Variants in RAPGEFL1 observed in about 807,000 individuals in gnomAD.
RAPGEFL1 encodes Rap guanine nucleotide exchange factor like 1, also known as rap guanine nucleotide exchange factor-like 1.
A neutral mutation model predicts 64.4 loss-of-function variants in RAPGEFL1; 31 were observed. The ratio of observed to expected loss-of-function variants is 0.48; its 90% CI spans 0.36 to 0.65. RAPGEFL1 has a LOEUF of 0.65. Ranked by LOEUF, RAPGEFL1 falls within the 30% of genes least tolerant of loss-of-function variation. RAPGEFL1 has a pLI of 0.00. For missense variants in RAPGEFL1, 682 were observed against 677.4 expected, an observed-to-expected ratio of 1.01 and a Z score of -0.08; for synonymous variants, 331 against 274.1, an observed-to-expected ratio of 1.21 and a Z score of -2.05.
chr17:40,194,232 CGTGT>C lies in RAPGEFL1; in HGVS notation c.*499_*502del, dbSNP rs56205991. 12,673 of 124,686 alleles carry C rather than the reference CGTGT, an allele frequency of 0.1. 903 individuals are homozygous for C. Among genetic ancestry groups the C allele is most frequent in the Admixed American group, 0.13 (1,556 of 11,566 alleles). 7.7% of individuals were successfully genotyped at this position (124,686 alleles called of 1,614,324 possible). Reference sequence around the variant, plus strand: ...GGGACCCCCAGGAATATTATGTTGCCGTGTGTGTGTGTGTGTGTGTGTGTGTGTG... The same window carrying C: ...GGGACCCCCAGGAATATTATGTTGCCGTGTGTGTGTGTGTGTGTGTGTGTG... On this transcript the variant is annotated 3_prime_UTR_variant, in exon 15 of 15. Transcript: ENST00000620260.
chr17:40,188,866 G>T lies in RAPGEFL1; in HGVS notation c.834G>T (p.Lys278Asn), dbSNP rs372844340. ...LHQLVETVEL[K>N]IPEENQPPSK... is the part of the protein sequence containing the mutation. Reference sequence around the variant, plus strand: ...TGATGCCCAGCTGTGTCCATGCCAGGATTCCAGAGGAGAACCAGCCACCCA... The same window carrying T: ...TGATGCCCAGCTGTGTCCATGCCAGTATTCCAGAGGAGAACCAGCCACCCA... Residue 278 changes from lysine (K) to asparagine (N), a missense_variant and splice_region_variant, in exon 5 of 15, where the codon AAG (lysine) becomes AAT (asparagine). Lys to Asn is a moderately conservative substitution (Grantham distance 94). Around this residue, in one of 2 missense-constraint regions of RAPGEFL1, gnomAD observed 411 missense variants for 519.4 expected, o/e 0.79. Transcript: ENST00000620260. The T allele has an allele frequency of 6.2e-7, 1 of 1,613,776 alleles. No individual in the cohort carries two copies. The highest frequency in any genetic ancestry group is 1.3e-5 in the African/African-American group (1 of 74,920).
At position 40,178,293 on chromosome 17, in the gene RAPGEFL1, T is replaced by C; in HGVS notation, c.432T>C (p.Pro144=). 1 of 641,134 alleles carries C rather than the reference T, an allele frequency of 1.6e-6. No individual in the cohort carries two copies. The allele number at this position is 641,134 out of a possible 1,614,324, so 39.7% of individuals were successfully genotyped here. The change falls in exon 1 of 15, where the codon CCT becomes CCC. Residue 144 remains proline, a synonymous_variant. Coordinates refer to ENST00000620260, the MANE Select transcript of RAPGEFL1 (RefSeq NM_016339.6). The part of the protein sequence containing the change: ...GEPLTSPPWA[P]LGAPERPEHL... ...CCTTGACTTCGCCGCCCTGGGCCCC[T>C]CTGGGCGCCCCCGAGCGGCCCGAGC...
Position 40,192,938 on chromosome 17 carries a change from T to C in RAPGEFL1, c.1757T>C (p.Leu586Pro). The C allele has an allele frequency of 6.2e-7, 1 of 1,613,804 alleles. No individual in the cohort carries two copies. The highest frequency in any genetic ancestry group is 8.5e-7 in the Non-Finnish European group (1 of 1,179,686). The change falls in exon 13 of 15, where the codon CTG (leucine) becomes CCG (proline). Residue 586 changes from leucine (L) to proline (P), a missense_variant. By Grantham distance (98) the Leu-to-Pro change is moderately conservative. This residue lies in a region of RAPGEFL1 where 411 missense variants were observed against 519.4 expected (regional missense o/e 0.79). Transcript: ENST00000620260. ...VPLILKDLTF[L>P]HEGSKTLVDG... The stretch of plus-strand genomic sequence containing the variant: ...CCACATCCCCTAGACCTGACTTTCC[T>C]GCACGAAGGGAGTAAGACCCTTGTA...
chr17:40,193,592 T>A (rs1990354773), intron 14 of RAPGEFL1, 72 bp from the exon 15 acceptor site: 1 of 1,610,514 alleles, frequency 6.2e-7, no homozygotes, highest in East Asian at 2.2e-5. Context: ...CAGCCTGATC[T>A]TCTGCCCGGT....
At chr17:40,186,671 G>T (rs1299567792) in intron 4 of RAPGEFL1, among the ~76,000 whole-genome samples, 1 of 149,080 alleles carries the variant, frequency 6.7e-6, no homozygotes, top group East Asian at 2.0e-4. Context: ...GCCGAGGCAG[G>T]CAGAATGAGG....
chr17:40,191,534 G>C lies in RAPGEFL1; in HGVS notation c.1514+40G>C. ...CGGCGGGATGGGGGGCCGGAGGCCG[G>C]AGGCCCGCGCCGCCGCCCGCCCCTG... On this transcript the variant is annotated intron_variant, in intron 9 of 14. Coordinates refer to ENST00000620260, the MANE Select transcript of RAPGEFL1 (RefSeq NM_016339.6). The surrounding 1 kb of genome is among the most constrained non-coding windows in gnomAD (Gnocchi z 5.1). The C allele has an allele frequency of 6.4e-7, 1 of 1,563,158 alleles. No individual in the cohort carries two copies. Among genetic ancestry groups the C allele is most frequent in the South Asian group, 1.2e-5 (1 of 85,570 alleles).
At chr17:40,182,743 C>T (rs533257013) in intron 2 of RAPGEFL1, among the ~76,000 whole-genome samples, 2 of 152,250 alleles carry the variant, frequency 1.3e-5, no homozygotes, top group South Asian at 2.1e-4. Context: ...CAGTAGGGTC[C>T]GCTAGAGAGG....
Position 40,184,211 on chromosome 17 carries a change from C to T in RAPGEFL1, c.600-3C>T. The T allele has an allele frequency of 6.2e-7, 1 of 1,600,446 alleles. No homozygotes were observed. Among genetic ancestry groups the T allele is most frequent in the African/African-American group, 1.3e-5 (1 of 74,718 alleles). ...TAGGGATTTTTCTTAACTTAAGGGT[C>T]AGCTTTGTTCGGGCAGGAGGCATGG... On this transcript the variant is annotated splice_region_variant and splice_polypyrimidine_tract_variant and intron_variant, in intron 2 of 14. Coordinates refer to ENST00000620260, the MANE Select transcript of RAPGEFL1 (RefSeq NM_016339.6).
chr17:40,184,256 C>T lies in RAPGEFL1; in HGVS notation c.642C>T (p.Gly214=), dbSNP rs371173094. ...GCATGGAGGGCCCTGAAGGGCTGGGCCGGAAGCAAGCCTGTCTAGCCATGC... is the reference window on the plus strand; with the variant it reads ...GCATGGAGGGCCCTGAAGGGCTGGGTCGGAAGCAAGCCTGTCTAGCCATGC... ...AGGMEGPEGL[G]RKQACLAMLL... Residue 214 remains glycine, a synonymous_variant, in exon 3 of 15, where the codon GGC becomes GGT. Transcript: ENST00000620260. 4.3e-6 allele frequency: 7 copies of T among 1,613,568 alleles called. No individual in the cohort carries two copies. Among genetic ancestry groups the T allele is most frequent in the Non-Finnish European group, 5.9e-6 (7 of 1,179,878 alleles).
At position 40,178,401 on chromosome 17, in the gene RAPGEFL1, G is replaced by A. The variant is rs1335693273; in HGVS notation, c.520+20G>A. The A allele has an allele frequency of 8.2e-6, 4 of 488,218 alleles. No individual in the cohort carries two copies. The highest frequency in any genetic ancestry group is 2.0e-5 in the African/African-American group (1 of 49,108). The allele number at this position is 488,218 out of a possible 1,614,324, so 30.2% of individuals were successfully genotyped here. A position where few individuals can be genotyped will look rare whatever the true frequency, so the allele number is the denominator to read the frequency against. On this transcript the variant is annotated intron_variant, in intron 1 of 14. Transcript: ENST00000620260. The stretch of plus-strand genomic sequence containing the variant: ...CCTCAGGTAAGGAGCCGGTGGGCTC[G>A]AACACCCAGAGCAGGGGCTGGCCCC...
chr17:40,189,800 G>C (rs758103402), intron 6 of RAPGEFL1, among the ~76,000 whole-genome samples: 1 of 152,080 alleles, frequency 6.6e-6, no homozygotes, highest in Non-Finnish European at 1.5e-5. Context: ...CTAAAGTTTG[G>C]GAGGCACTAG....
At chr17:40,187,520 C>T (rs1990114806) in intron 4 of RAPGEFL1, among the ~76,000 whole-genome samples, 1 of 152,134 alleles carries the variant, frequency 6.6e-6, no homozygotes, top group African/African-American at 2.4e-5. Context: ...TCATCTCCTA[C>T]ATCCCCTCCA....
In RAPGEFL1 at chr17:40,191,016, TTAAAGAAA is replaced by T. The variant is rs1990243388; in HGVS notation, c.1335+259_1335+266del. On this transcript the variant is annotated intron_variant, in intron 8 of 14. Transcript: ENST00000620260. This position sits in a 1 kb window ranked among gnomAD's most constrained non-coding sequence, Gnocchi z 5.1. Reference sequence around the variant, plus strand: ...ATTTCTATTTTTAAAATATTCACTATTAAAGAAATAAAATAAGGCAGAGACAATAATGC... The same window carrying T: ...ATTTCTATTTTTAAAATATTCACTATTAAAATAAGGCAGAGACAATAATGC... 2 of 602,054 alleles carry T rather than the reference TTAAAGAAA, an allele frequency of 3.3e-6. No individual in the cohort carries two copies. Among genetic ancestry groups the T allele is most frequent in the African/African-American group, 3.7e-5 (2 of 53,928 alleles). The allele number at this position is 602,054 out of a possible 1,614,324, so 37.3% of individuals were successfully genotyped here.
chr17:40,181,967 C>T (rs1310650163), intron 2 of RAPGEFL1, among the ~76,000 whole-genome samples: 3 of 152,194 alleles, frequency 2.0e-5, no homozygotes, highest in African/African-American at 7.2e-5. Flanking sequence ...CCTGTAATCT[C>T]AGCTACTTGG....
chr17:40,178,451 C>T (rs1021622382), intron 1 of RAPGEFL1, 70 bp downstream of exon 1: 5 of 457,302 alleles, frequency 1.1e-5, no homozygotes, highest in Admixed American at 8.2e-5. Context: ...GCCCTTGGAG[C>T]GTAGGGGTGG....
intron 4 of RAPGEFL1, 149 bp from the exon 5 acceptor site, chr17:40,188,717 G>T (rs1314281204): frequency 3.5e-5 from 23 of 651,932 alleles, no homozygotes; most frequent in Non-Finnish European, 6.1e-5. Flanking sequence ...ACTGCTCATT[G>T]TCCTCTCTTC....
At chr17:40,182,849 G>A (rs1567691789) in intron 2 of RAPGEFL1, among the ~76,000 whole-genome samples, 1 of 152,130 alleles carries the variant, frequency 6.6e-6, no homozygotes, top group Non-Finnish European at 1.5e-5. Context: ...CCACTGAGTA[G>A]AATGTTACAG....
chr17:40,182,453 C>T (rs1989923290), intron 2 of RAPGEFL1, among the ~76,000 whole-genome samples: 1 of 152,154 alleles, frequency 6.6e-6, no homozygotes, highest in African/African-American at 2.4e-5. Flanking sequence ...CTGGGGACTA[C>T]AGGCGCACAC....
chr17:40,177,052 G>A (rs1195087916), upstream of RAPGEFL1: 2 of 701,698 alleles, frequency 2.9e-6, no homozygotes, highest in African/African-American at 1.7e-5. Flanking sequence ...CGCCTCCAGT[G>A]GCAATGCTAA....
Sources: allele counts gnomAD v4.1 joint callset (sites outside exome capture counted in the v4.1 genomes callset), GRCh38; gene constraint gnomAD v4.1.1; regional missense constraint gnomAD v4.1.1; non-coding constraint Gnocchi (gnomAD v3.1); transcripts MANE v1.5; gene names NCBI Gene and HGNC (gene_info 2026-07-23, HGNC 2026-07-21).